Variants in DSG3 observed in about 807,000 individuals in gnomAD.
The protein encoded by DSG3 is desmoglein 3.
DSG3 carries 63 observed loss-of-function variants against 85.9 expected under a neutral mutation model. The ratio of observed to expected loss-of-function variants is 0.73; its 90% CI spans 0.60 to 0.90. The LOEUF is 0.90. Among genes scored for constraint, DSG3 ranks in the 40% least tolerant of loss-of-function variants. DSG3 has a pLI of 0.00. For synonymous variants in DSG3, 447 were observed against 441.9 expected (o/e 1.01, Z -0.14); for missense variants, 1,220 against 1,219.9 (o/e 1.00, Z 0.00).
At position 31,460,697 on chromosome 18, in the gene DSG3, C is replaced by T. The variant is rs73414203; in HGVS notation, c.685-136C>T. 2.9e-3 allele frequency: 2,257 copies of T among 767,258 alleles called. 40 individuals carry two copies. The African/African-American group carries it at 0.037, about 13-fold the overall frequency. The allele number at this position is 767,258 out of a possible 1,614,324, so 47.5% of individuals were successfully genotyped here. A position where few individuals can be genotyped will look rare whatever the true frequency, so the allele number is the denominator to read the frequency against. ...GCCCTAGCCCCTTAAAGACCTCCAC[C>T]CAACCATCCAGAGTCCCACAAATGT... On this transcript the variant is annotated intron_variant, in intron 6 of 15. Coordinates refer to ENST00000257189, the MANE Select transcript of DSG3 (RefSeq NM_001944.3).
At chr18:31,465,179 T>C (rs2072810285) in intron 9 of DSG3, 139 bp from the exon 10 acceptor site, 1 of 580,094 alleles carries the variant, frequency 1.7e-6, no homozygotes, top group Admixed American at 4.4e-5. Flanking sequence ...GTTAATTTTC[T>C]GTTGCTTTTT....
At chr18:31,468,108 C>T (rs988666408) in intron 11 of DSG3, among the ~76,000 whole-genome samples, 1 of 152,174 alleles carries the variant, frequency 6.6e-6, no homozygotes, top group Non-Finnish European at 1.5e-5. Context: ...AAATGCAATG[C>T]TGAACCTTAC....
intron 12 of DSG3, among the ~76,000 whole-genome samples, chr18:31,470,865 C>T (rs539974618): frequency 3.9e-5 from 6 of 151,984 alleles, no homozygotes; most frequent in Non-Finnish European, 7.4e-5. Flanking sequence ...GGCTAAAGCG[C>T]GGGGAAATTG....
Position 31,465,463 on chromosome 18 carries a change from A to C in DSG3, c.1411+6A>C. ...TGAGGTTCTGGCCATAGATGGTAAG[A>C]AAAATATTTGAATCATTTCAGAGGA... On this transcript the variant is annotated splice_donor_region_variant and intron_variant, in intron 10 of 15. Coordinates refer to ENST00000257189, the MANE Select transcript of DSG3 (RefSeq NM_001944.3). 1 of 1,459,900 alleles carries C rather than the reference A, an allele frequency of 6.8e-7. No homozygotes were observed. Among genetic ancestry groups the C allele is most frequent in the Non-Finnish European group, 9.1e-7 (1 of 1,103,684 alleles). 90.4% of individuals were successfully genotyped at this position (1,459,900 alleles called of 1,614,324 possible). A position where few individuals can be genotyped will look rare whatever the true frequency, so the allele number is the denominator to read the frequency against.
rs772324778 is a variant in DSG3, at chr18:31,475,625, C to T, written c.2386-21C>T. 5 of 1,594,854 alleles carry T rather than the reference C, an allele frequency of 3.1e-6. No individual in the cohort carries two copies. The South Asian group carries it at 3.4e-5, about 11-fold the overall frequency. ...GACTCTTTCTTAAAATTCATTTTTT[C>T]CCACTTTTTCTCTGTCTTAGAAAGC... On this transcript the variant is annotated intron_variant, in intron 15 of 15. Coordinates refer to ENST00000257189, the MANE Select transcript of DSG3 (RefSeq NM_001944.3).
At chr18:31,468,218 A>T (rs115261439) in intron 11 of DSG3, among the ~76,000 whole-genome samples, 1,575 of 152,358 alleles carry the variant, frequency 0.01, 36 homozygotes, top group African/African-American at 0.036. Context: ...CCATCACCAC[A>T]AGGAAATCCC....
At chr18:31,467,368 A>G (rs1432466619) in intron 11 of DSG3, among the ~76,000 whole-genome samples, 1 of 152,136 alleles carries the variant, frequency 6.6e-6, no homozygotes, top group Non-Finnish European at 1.5e-5. Context: ...GTATCTATTT[A>G]TCACAGAGCT....
Position 31,464,109 on chromosome 18 carries a change from A to G in DSG3, c.1000-2A>G. ...TGCCTTCTAATTTTATTTTTTCTCCAGGCTCTAGATTATGAACAACTACAA... is the reference window on the plus strand; with the variant it reads ...TGCCTTCTAATTTTATTTTTTCTCCGGGCTCTAGATTATGAACAACTACAA... On this transcript the variant is annotated splice_acceptor_variant, in intron 8 of 15. Transcript: ENST00000257189. LOFTEE classifies it high-confidence loss of function. 5.6e-6 allele frequency: 9 copies of G among 1,602,644 alleles called. No individual in the cohort carries two copies. Among genetic ancestry groups the G allele is most frequent in the Non-Finnish European group, 7.7e-6 (9 of 1,174,340 alleles).
In DSG3 at chr18:31,466,668, A is replaced by C; in HGVS notation, c.1550A>C (p.Asn517Thr). 1 of 1,614,218 alleles carries C rather than the reference A, an allele frequency of 6.2e-7. No homozygotes were observed. Among genetic ancestry groups the C allele is most frequent in the South Asian group, 1.1e-5 (1 of 91,084 alleles). The change falls in exon 11 of 16, where the codon AAT (asparagine) becomes ACT (threonine). Residue 517 changes from asparagine (N) to threonine (T), a missense_variant. Coordinates refer to ENST00000257189, the MANE Select transcript of DSG3 (RefSeq NM_001944.3). ...GTGGTTGTCTCCGCTAGAACACTGAATAATAGATACACTGGCCCCTATACA... is the reference window on the plus strand; with the variant it reads ...GTGGTTGTCTCCGCTAGAACACTGACTAATAGATACACTGGCCCCTATACA... The part of the protein sequence containing the change: ...PSVVVSARTL[N>T]NRYTGPYTFA...
chr18:31,466,290 G>A (rs561204746), intron 10 of DSG3, among the ~76,000 whole-genome samples: 3 of 152,168 alleles, frequency 2.0e-5, no homozygotes, highest in Admixed American at 1.3e-4. Context: ...TCTTGGGTTC[G>A]AGCATATTAA....
In DSG3 at chr18:31,459,134, A is replaced by G. The variant is rs2072767826; in HGVS notation, c.474A>G (p.Ser158=). 6.2e-7 allele frequency: 1 copy of G among 1,613,122 alleles called. No individual in the cohort carries two copies. Among genetic ancestry groups the G allele is most frequent in the Non-Finnish European group, 8.5e-7 (1 of 1,179,942 alleles). ...TTAATGATAATCCTCCAGTATTTTC[A>G]CAACAAATTTTCATGGGTGAAATTG... ...LDINDNPPVF[S]QQIFMGEIEE... is the part of the protein sequence containing the mutation. Residue 158 remains serine (S), a synonymous_variant, in exon 5 of 16, where the codon TCA becomes TCG. Transcript: ENST00000257189.
intron 14 of DSG3, among the ~76,000 whole-genome samples, chr18:31,473,362 G>T (rs1018449008): frequency 6.6e-6 from 1 of 152,108 alleles, no homozygotes; most frequent in Non-Finnish European, 1.5e-5. Context: ...TATTTCTTTG[G>T]TTTTACCAAG....
intron 14 of DSG3, 101 bp from the exon 15 acceptor site, chr18:31,474,020 T>G (rs2072870897): frequency 4.4e-6 from 5 of 1,142,200 alleles, no homozygotes; most frequent in Non-Finnish European, 6.2e-6. Context: ...TCCCACTTAC[T>G]TGTTTGCATG....
chr18:31,477,704 A>G lies in DSG3; in HGVS notation c.*1444A>G, dbSNP rs1339468216. On this transcript the variant is annotated 3_prime_UTR_variant, in exon 16 of 16. Transcript: ENST00000257189. ...TTAGATGTATCACTTCATGCATGCTACCATGATAGTAATGCAGCTCTTCGA... is the reference window on the plus strand; with the variant it reads ...TTAGATGTATCACTTCATGCATGCTGCCATGATAGTAATGCAGCTCTTCGA... 1 of 152,174 alleles carries G rather than the reference A, an allele frequency of 6.6e-6. No individual in the cohort carries two copies. Among genetic ancestry groups the G allele is most frequent in the Non-Finnish European group, 1.5e-5 (1 of 68,032 alleles). The allele number at this position is 152,174 out of a possible 1,614,324, so 9.4% of individuals were successfully genotyped here.
At chr18:31,467,685 T>TA (rs1480787195) in intron 11 of DSG3, among the ~76,000 whole-genome samples, 1 of 152,236 alleles carries the variant, frequency 6.6e-6, no homozygotes, top group Non-Finnish European at 1.5e-5. Context: ...CTGGATTTTA[T>TA]AATGACGATG....
chr18:31,460,966 A>G lies in DSG3; in HGVS notation c.813+5A>G, dbSNP rs771836208. 3.2e-6 allele frequency: 5 copies of G among 1,581,510 alleles called. No individual in the cohort carries two copies. Among genetic ancestry groups the G allele is most frequent in the Admixed American group, 2.0e-5 (1 of 49,408 alleles). ...CCAATGTTTAGAGACTCTCAGGTAC[A>G]CCCATTGCTCCTTAAAGAATCATTT... On this transcript the variant is annotated splice_donor_5th_base_variant and intron_variant, in intron 7 of 15. Coordinates refer to ENST00000257189, the MANE Select transcript of DSG3 (RefSeq NM_001944.3).
chr18:31,455,973 A>G (rs2072739414), intron 1 of DSG3, among the ~76,000 whole-genome samples: 1 of 152,180 alleles, frequency 6.6e-6, no homozygotes. Context: ...ATTGTAGAGG[A>G]CTAATACAGG....
intron 11 of DSG3, 40 bp from the exon 12 acceptor site, chr18:31,469,049 C>T (rs1598784703): frequency 1.9e-6 from 3 of 1,604,402 alleles, no homozygotes; most frequent in African/African-American, 1.3e-5. Flanking sequence ...TGAAAAGACA[C>T]TTCGTCCTAC....
At chr18:31,474,746 C>A (rs1361214993) in intron 15 of DSG3, among the ~76,000 whole-genome samples, 3 of 152,068 alleles carry the variant, frequency 2.0e-5, no homozygotes, top group African/African-American at 7.2e-5. Flanking sequence ...CAGAGTGAGA[C>A]CTCGTCTCTA....
Sources: gnomAD v4.1 joint callset for allele counts (sites outside exome capture counted in the v4.1 genomes callset) on GRCh38, gnomAD v4.1.1 for gene constraint, MANE v1.5 for transcripts, NCBI Gene and HGNC (gene_info 2026-07-23, HGNC 2026-07-21) for gene names.